TOP1: variants seen among roughly 807,000 people sequenced by gnomAD.
TOP1 encodes DNA topoisomerase I.
Under a neutral mutation model 111.1 loss-of-function variants are expected in TOP1, and 10 were observed. The ratio of observed to expected loss-of-function variants is 0.09; its 90% CI spans 0.06 to 0.15. The LOEUF is 0.15. Among genes scored for constraint, TOP1 ranks in the 10% least tolerant of loss-of-function variants. The pLI, the probability that TOP1 is intolerant of heterozygous loss-of-function variation, is 1.00. For synonymous variants in TOP1, 271 were observed against 302.9 expected (o/e 0.89, Z 1.10); for missense variants, 474 against 926.7 (o/e 0.51, Z 6.34).
chr20:41,073,564 T>G, intron 3 of TOP1: 1 of 754,810 alleles, frequency 1.3e-6, no homozygotes, highest in Non-Finnish European at 1.6e-6. Flanking sequence ...CCTTAAGCAG[T>G]AGGTATCAAT....
chr20:41,087,931 GTTTA>G (rs921279433), intron 8 of TOP1, among the ~76,000 whole-genome samples: 9 of 152,054 alleles, frequency 5.9e-5, no homozygotes, highest in African/African-American at 2.2e-4. Flanking sequence ...GTTTTTGTTT[GTTTA>G]TTTGTTTTTA....
chr20:41,059,719 T>C (rs2091346903), intron 2 of TOP1, among the ~76,000 whole-genome samples: 1 of 152,074 alleles, frequency 6.6e-6, no homozygotes, highest in Admixed American at 6.6e-5. Flanking sequence ...AATTTAAAAC[T>C]TTTGCTCTTT....
chr20:41,047,979 C>T (rs1177767288), intron 2 of TOP1, among the ~76,000 whole-genome samples: 1 of 152,024 alleles, frequency 6.6e-6, no homozygotes, highest in Admixed American at 6.6e-5. Flanking sequence ...GTAGCTGTGC[C>T]ACCCCTTAAG....
chr20:41,043,352 G>T (rs2033291738), intron 2 of TOP1, among the ~76,000 whole-genome samples: 1 of 152,190 alleles, frequency 6.6e-6, no homozygotes, highest in Non-Finnish European at 1.5e-5. Context: ...TTCATTACTT[G>T]TGCTTTCTTA....
chr20:41,036,137 A>G (rs1216418603), intron 2 of TOP1, among the ~76,000 whole-genome samples: 4 of 151,978 alleles, frequency 2.6e-5, no homozygotes, highest in Admixed American at 6.5e-5. Context: ...TTTTCTTTTT[A>G]CCCTTTATGC....
At chr20:41,038,986 C>T (rs2033224925) in intron 2 of TOP1, among the ~76,000 whole-genome samples, 2 of 150,260 alleles carry the variant, frequency 1.3e-5, no homozygotes, top group Non-Finnish European at 3.0e-5. Context: ...GAGTGAGACC[C>T]TGTCTCAAAA....
rs6016515 is a variant in TOP1, at chr20:41,115,594, C to G, written c.1707+155C>G. ...CTCTCTCTTCCTCCCTCTGAGTCCA[C>G]GGTGAATCTGTAGTCAAGAGAAGAC... is the stretch of plus-strand genomic sequence containing the variant. On this transcript the variant is annotated intron_variant, in intron 16 of 20. Coordinates refer to ENST00000361337, the MANE Select transcript of TOP1 (RefSeq NM_003286.4). The surrounding 1 kb of genome is among the most constrained non-coding windows in gnomAD (Gnocchi z 6.3). 7.8e-3 allele frequency among the ~76,000 whole-genome samples: 1,188 copies of G among 152,208 alleles called. 11 individuals carry two copies. Among genetic ancestry groups the G allele is most frequent in the African/African-American group, 0.027 (1,125 of 41,518 alleles).
At position 41,097,644 on chromosome 20, in the gene TOP1, C is replaced by G. The variant is rs891726227; in HGVS notation, c.852+303C>G. ...CACAGGAAAGTTTGTCGCTGCAGGA[C>G]TGCCCCGTGTCTGCTGTTGCAAAGA... On this transcript the variant is annotated intron_variant, in intron 10 of 20. Transcript: ENST00000361337. This position sits in a 1 kb window ranked among gnomAD's most constrained non-coding sequence, Gnocchi z 4.2. Among the ~76,000 whole-genome samples, 5 of 152,188 alleles carry G rather than the reference C, an allele frequency of 3.3e-5. No individual in the cohort carries two copies. Among genetic ancestry groups the G allele is most frequent in the African/African-American group, 1.2e-4 (5 of 41,438 alleles).
chr20:41,097,246 G>A lies in TOP1; in HGVS notation c.757G>A (p.Ala253Thr), dbSNP rs1439972939. The change falls in exon 10 of 21, where the codon GCA (alanine) becomes ACA (threonine). Residue 253 changes from alanine to threonine, a missense_variant. By Grantham distance (58) the Ala-to-Thr change is moderately conservative (BLOSUM62 0). Coordinates refer to ENST00000361337, the MANE Select transcript of TOP1 (RefSeq NM_003286.4). The surrounding 1 kb of genome is among the most constrained non-coding windows in gnomAD (Gnocchi z 4.2). Reference sequence around the variant, plus strand: ...TAAAGTCATGAAGCTGAGCCCCAAAGCAGAGGAAGTAGCTACGTTCTTTGC... The same window carrying A: ...TAAAGTCATGAAGCTGAGCCCCAAAACAGAGGAAGTAGCTACGTTCTTTGC... ...DGKVMKLSPK[A>T]EEVATFFAKM... 2 of 1,614,016 alleles carry A rather than the reference G, an allele frequency of 1.2e-6. No homozygotes were observed. Among genetic ancestry groups the A allele is most frequent in the Admixed American group, 3.3e-5 (2 of 60,008 alleles).
Position 41,114,222 on chromosome 20 carries a change from T to G in TOP1, c.1638+67T>G, listed in dbSNP as rs2034292369. The G allele has an allele frequency of 1.4e-6, 2 of 1,422,210 alleles. No homozygotes were observed. Among genetic ancestry groups the G allele is most frequent in the Non-Finnish European group, 1.9e-6 (2 of 1,029,196 alleles). 88.1% of individuals were successfully genotyped at this position (1,422,210 alleles called of 1,614,324 possible). A position where few individuals can be genotyped will look rare whatever the true frequency, so the allele number is the denominator to read the frequency against. ...TTCAACAAGCATGGGTTGACTGCTT[T>G]TTTGTGTGCTTTGCACTTTGCTGGG... On this transcript the variant is annotated intron_variant, in intron 15 of 20. Transcript: ENST00000361337. The surrounding 1 kb of genome is among the most constrained non-coding windows in gnomAD (Gnocchi z 4.5).
intron 7 of TOP1, 138 bp downstream of exon 7, chr20:41,081,378 T>A: frequency 9.6e-7 from 1 of 1,040,776 alleles, no homozygotes; most frequent in Non-Finnish European, 1.3e-6. Flanking sequence ...TAATAAGTGG[T>A]GGCTGTGGCA....
chr20:41,109,793 C>A lies in TOP1; in HGVS notation c.1309-2989C>A, dbSNP rs541854990. On this transcript the variant is annotated intron_variant, in intron 13 of 20. Transcript: ENST00000361337. The surrounding 1 kb of genome is among the most constrained non-coding windows in gnomAD (Gnocchi z 4.1). The stretch of plus-strand genomic sequence containing the variant: ...CGAATTCCAGTTCTAGGTATTTTTA[C>A]CTCAAGTGAAATAAAAACATTTATC... Among the ~76,000 whole-genome samples, 19 of 152,234 alleles carry A rather than the reference C, an allele frequency of 1.2e-4. No individual in the cohort carries two copies. In the East Asian group the frequency reaches 2.1e-3, roughly 17 times the overall value.
chr20:41,061,487 A>G lies in TOP1; in HGVS notation c.152A>G (p.Asn51Ser). Residue 51 changes from asparagine to serine, a missense_variant, in exon 3 of 21, where the codon AAC (asparagine) becomes AGC (serine). Coordinates refer to ENST00000361337, the MANE Select transcript of TOP1 (RefSeq NM_003286.4). This position sits in a 1 kb window ranked among gnomAD's most constrained non-coding sequence, Gnocchi z 4.6. ...EKDREKSKHS[N>S]SEHKDSEKKH... ...GACCGGGAAAAGTCCAAGCATAGCA[A>G]CAGGTAAGGGTGGAATCAAGCAAGT... The G allele has an allele frequency of 6.3e-7, 1 of 1,591,244 alleles. No homozygotes were observed. Among genetic ancestry groups the G allele is most frequent in the East Asian group, 2.3e-5 (1 of 43,796 alleles).
intron 2 of TOP1, among the ~76,000 whole-genome samples, chr20:41,033,360 A>T (rs1385871136): frequency 3.3e-5 from 5 of 152,158 alleles, no homozygotes; most frequent in Admixed American, 6.5e-5. Context: ...AAAAAAAAAA[A>T]AAAAAAAGGA....
intron 3 of TOP1, among the ~76,000 whole-genome samples, chr20:41,063,170 A>G (rs999135393): frequency 2.0e-5 from 3 of 152,214 alleles, no homozygotes; most frequent in African/African-American, 7.2e-5. Flanking sequence ...GCTCCTGCTT[A>G]AAAATGAGAC....
chr20:41,108,250 C>T (rs548293014), intron 13 of TOP1, among the ~76,000 whole-genome samples: 8 of 152,278 alleles, frequency 5.3e-5, no homozygotes, highest in Admixed American at 3.3e-4. Flanking sequence ...CTATATTTTA[C>T]TTACTTAATT....
At chr20:41,052,307 T>C (rs902242753) in intron 2 of TOP1, among the ~76,000 whole-genome samples, 2 of 152,208 alleles carry the variant, frequency 1.3e-5, no homozygotes, top group Non-Finnish European at 2.9e-5. Flanking sequence ...CTCTATCACA[T>C]TAGGGTTTGG....
intron 4 of TOP1, 80 bp downstream of exon 4, chr20:41,076,374 A>G: frequency 1.3e-6 from 2 of 1,507,466 alleles, no homozygotes; most frequent in Non-Finnish European, 8.9e-7. Context: ...TTAATTGCAT[A>G]GTAAGATCCC....
chr20:41,123,764 G>GT lies in TOP1; in HGVS notation c.*468dup. On this transcript the variant is annotated 3_prime_UTR_variant, in exon 21 of 21. Transcript: ENST00000361337. The surrounding 1 kb of genome is among the most constrained non-coding windows in gnomAD (Gnocchi z 5.8). ...TCCCATTTCAGGAATTTAAAATTAA[G>GT]TAGAACAAAAAACCCAGCGCACCTG... 4.3e-6 allele frequency: 1 copy of GT among 232,114 alleles called. No individual in the cohort carries two copies. Among genetic ancestry groups the GT allele is most frequent in the Non-Finnish European group, 8.5e-6 (1 of 117,276 alleles). The allele number at this position is 232,114 out of a possible 1,614,324, so 14.4% of individuals were successfully genotyped here.
Sources: gnomAD v4.1 joint callset for allele counts (sites outside exome capture counted in the v4.1 genomes callset) on GRCh38, gnomAD v4.1.1 for gene constraint, Gnocchi (gnomAD v3.1) non-coding constraint, MANE v1.5 for transcripts, NCBI Gene and HGNC (gene_info 2026-07-23, HGNC 2026-07-21) for gene names.